Variants in SLC44A5 observed in about 807,000 individuals in gnomAD.
SLC44A5 encodes choline transporter-like protein 5.
Under a neutral mutation model 101.8 loss-of-function variants are expected in SLC44A5, and 57 were observed. The ratio of observed to expected loss-of-function variants is 0.56; its 90% CI spans 0.45 to 0.70. The LOEUF is 0.70. SLC44A5 is among the 30% of genes least tolerant of loss of function. SLC44A5 has a pLI of 0.00. For synonymous variants in SLC44A5, 281 were observed against 290.9 expected, an observed-to-expected ratio of 0.97 and a Z score of 0.35; for missense variants, 737 against 853.1, an observed-to-expected ratio of 0.86 and a Z score of 1.70.
At chr1:75,588,481 A>C (rs1272294892) in intron 1 of SLC44A5, among the ~76,000 whole-genome samples, 1 of 152,136 alleles carries the variant, frequency 6.6e-6, no homozygotes, top group African/African-American at 2.4e-5. Flanking sequence ...ATGTGCCCAA[A>C]ATCACAGAGC....
At chr1:75,386,276 T>C (rs1661337968) in intron 3 of SLC44A5, among the ~76,000 whole-genome samples, 1 of 152,142 alleles carries the variant, frequency 6.6e-6, no homozygotes, top group South Asian at 2.1e-4. Context: ...ATTGTCCCTG[T>C]TTGCAGATGA....
intron 2 of SLC44A5, chr1:75,521,440 A>T (rs1244255611): frequency 1.3e-5 from 2 of 152,226 alleles, no homozygotes; most frequent in Non-Finnish European, 2.9e-5. Flanking sequence ...TGAAATGTGA[A>T]TATCTGTCTG....
chr1:75,273,715 C>A (rs1156500848), intron 6 of SLC44A5, among the ~76,000 whole-genome samples: 2 of 152,068 alleles, frequency 1.3e-5, no homozygotes, highest in East Asian at 3.8e-4. Context: ...CCCTACATCC[C>A]TGGTATGAAA....
chr1:75,646,486 T>C, the SLC44A5 span, among the ~76,000 whole-genome samples: 1 of 152,122 alleles, frequency 6.6e-6, no homozygotes, highest in South Asian at 2.1e-4. Flanking sequence ...GGGAAGCCTG[T>C]GTATTTCTAT....
intron 6 of SLC44A5, among the ~76,000 whole-genome samples, chr1:75,266,318 T>TACACACACACACACACACAC (rs61250669): frequency 1.6e-4 from 23 of 146,838 alleles, no homozygotes; most frequent in African/African-American, 3.6e-4. Context: ...GGCATAGAAA[T>TACACACACACACACACACAC]ACACACACAC....
At chr1:75,617,928 T>G in the SLC44A5 span, among the ~76,000 whole-genome samples, 1 of 152,224 alleles carries the variant, frequency 6.6e-6, no homozygotes, top group Non-Finnish European at 1.5e-5. Flanking sequence ...TTCACATACT[T>G]TATTTCATTT....
intron 6 of SLC44A5, among the ~76,000 whole-genome samples, chr1:75,261,869 G>C (rs376769412): frequency 4.0e-5 from 6 of 150,744 alleles, no homozygotes; most frequent in Non-Finnish European, 8.9e-5. Flanking sequence ...GTAATCCATC[G>C]CATAACAACC....
At chr1:75,656,947 G>A in the SLC44A5 span, among the ~76,000 whole-genome samples, 9 of 152,082 alleles carry the variant, frequency 5.9e-5, no homozygotes, top group South Asian at 2.1e-4. Flanking sequence ...TCAGGAGTTC[G>A]AGACCAGCCT....
chr1:75,234,917 A>G (rs1647935885), intron 11 of SLC44A5, among the ~76,000 whole-genome samples: 1 of 152,118 alleles, frequency 6.6e-6, no homozygotes, highest in Non-Finnish European at 1.5e-5. Flanking sequence ...TTAAGATCGG[A>G]AAGTTGGCTG....
intron 1 of SLC44A5, among the ~76,000 whole-genome samples, chr1:75,592,734 T>C (rs554505671): frequency 1.3e-5 from 2 of 151,954 alleles, no homozygotes; most frequent in African/African-American, 4.8e-5. Context: ...GCAAAGAATA[T>C]ATACTGGGGG....
At chr1:75,580,628 C>T (rs1036583501) in intron 1 of SLC44A5, among the ~76,000 whole-genome samples, 1 of 152,050 alleles carries the variant, frequency 6.6e-6, no homozygotes, top group Non-Finnish European at 1.5e-5. Flanking sequence ...CACTTGAGAC[C>T]AGGAGTTCGA....
At chr1:75,669,096 C>T in the SLC44A5 span, among the ~76,000 whole-genome samples, 1,024 of 151,730 alleles carry the variant, frequency 6.7e-3, 19 homozygotes, top group Admixed American at 0.037. Context: ...AATTAAACTT[C>T]CTATTCATTT....
intron 2 of SLC44A5, 53 bp from the exon 3 acceptor site, chr1:75,396,674 G>A (rs1662145541): frequency 7.3e-7 from 1 of 1,376,340 alleles, no homozygotes; most frequent in East Asian, 2.3e-5. Context: ...TGATGACTCT[G>A]AGGTTCTATA....
chr1:75,638,535 C>T, the SLC44A5 span, among the ~76,000 whole-genome samples: 1 of 151,922 alleles, frequency 6.6e-6, no homozygotes, highest in Non-Finnish European at 1.5e-5. Context: ...GGTAGGAAAG[C>T]CAACGAAAGA....
chr1:75,540,367 G>A (rs899881000), intron 2 of SLC44A5, among the ~76,000 whole-genome samples: 7 of 152,112 alleles, frequency 4.6e-5, no homozygotes, highest in African/African-American at 7.2e-5. Context: ...TAAGTCTGTC[G>A]TTCTCCAGTT....
chr1:75,535,639 A>AGGACAAATTTT (rs1022202723), intron 2 of SLC44A5, among the ~76,000 whole-genome samples: 2 of 152,168 alleles, frequency 1.3e-5, no homozygotes, highest in African/African-American at 4.8e-5. Context: ...CAGGGTAGCC[A>AGGACAAATTTT]GGACAAATTT....
chr1:75,210,431 G>C (rs1051295948), intron 23 of SLC44A5, among the ~76,000 whole-genome samples: 2 of 152,120 alleles, frequency 1.3e-5, no homozygotes, highest in African/African-American at 4.8e-5. Context: ...ATAAGTCAGT[G>C]ATGAAAGCTC....
At chr1:75,349,290 G>A (rs185212907) in intron 3 of SLC44A5, among the ~76,000 whole-genome samples, 1 of 152,190 alleles carries the variant, frequency 6.6e-6, no homozygotes, top group Non-Finnish European at 1.5e-5. Flanking sequence ...AGTAAGCTGA[G>A]ATTGTGCCAC....
chr1:75,232,591 G>A (rs534436057), intron 12 of SLC44A5, among the ~76,000 whole-genome samples: 58 of 152,196 alleles, frequency 3.8e-4, no homozygotes, highest in Non-Finnish European at 7.1e-4. Context: ...AGCAGATAGG[G>A]AACACCTGAG....
Sources: allele counts gnomAD v4.1 joint callset (sites outside exome capture counted in the v4.1 genomes callset), GRCh38; gene constraint gnomAD v4.1.1; transcripts MANE v1.5; gene names NCBI Gene and HGNC (gene_info 2026-07-23, HGNC 2026-07-21).